Variants in LRP1B observed in about 807,000 individuals in gnomAD.
LRP1B encodes the protein low-density lipoprotein receptor-related protein 1B.
In LRP1B, 217 loss-of-function variants were observed where a neutral mutation model predicts 556.6. That is an observed-to-expected ratio of 0.39 (90% CI 0.35 to 0.44). The LOEUF is 0.44. Ranked by LOEUF, LRP1B falls within the 20% of genes least tolerant of loss-of-function variation. LRP1B has a pLI of 1.00. For missense variants in LRP1B, 5,053 were observed against 5,620.8 expected, an observed-to-expected ratio of 0.90 and a Z score of 3.23; for synonymous variants, 2,047 against 1,865.8, an observed-to-expected ratio of 1.10 and a Z score of -2.50.
intron 1 of LRP1B, among the ~76,000 whole-genome samples, chr2:141,898,138 C>A (rs570721706): frequency 6.6e-6 from 1 of 152,200 alleles, no homozygotes; most frequent in African/African-American, 2.4e-5. Flanking sequence ...AGGATTTGTT[C>A]CCTTCTGTGA....
chr2:140,341,040 C>T (rs1681365340), intron 77 of LRP1B, among the ~76,000 whole-genome samples: 1 of 151,446 alleles, frequency 6.6e-6, no homozygotes, highest in African/African-American at 2.4e-5. Context: ...CAGTGTGTTT[C>T]CAGAATCATT....
rs143695706 is a variant in LRP1B at position 141,449,435 on chromosome 2, A to G, written c.343+30961T>C. On this transcript the variant is annotated intron_variant, in intron 3 of 90. Transcript: ENST00000389484. ...GTTTGATTAATCCTAAATGACCCCC[A>G]CCAAACCTTACATTTTTTATATTTC... 7.4e-3 allele frequency among the ~76,000 whole-genome samples: 1,130 copies of G among 152,220 alleles called. 13 individuals are homozygous for G. The highest frequency in any genetic ancestry group is 0.024 in the African/African-American group (997 of 41,556).
chr2:140,534,194 CA>C lies in LRP1B; in HGVS notation c.7643-55del, dbSNP rs1690847404. The C allele has an allele frequency of 2.0e-6, 3 of 1,504,574 alleles. No individual in the cohort carries two copies. In the Admixed American group the frequency reaches 5.5e-5, roughly 28 times the overall value. 93.2% of individuals were successfully genotyped at this position (1,504,574 alleles called of 1,614,324 possible). A position where few individuals can be genotyped will look rare whatever the true frequency, so the allele number is the denominator to read the frequency against. ...CAGAGATCATATAGAAATATTTGTA[CA>C]AAATGAAAATCACAGATAATATTTC... On this transcript the variant is annotated intron_variant, in intron 46 of 90. Transcript: ENST00000389484.
intron 35 of LRP1B, among the ~76,000 whole-genome samples, chr2:140,763,232 G>A (rs2104920210): frequency 6.6e-6 from 1 of 152,158 alleles, no homozygotes; most frequent in Admixed American, 6.6e-5. Flanking sequence ...AATTTACTGT[G>A]AATTGAAGTA....
intron 66 of LRP1B, among the ~76,000 whole-genome samples, chr2:140,416,754 T>G (rs764550475): frequency 6.6e-5 from 10 of 152,196 alleles, no homozygotes; most frequent in Non-Finnish European, 1.2e-4. Flanking sequence ...CACAGCTGCA[T>G]CTGGTGGCAG....
chr2:141,821,432 G>C (rs1170981661), intron 1 of LRP1B, among the ~76,000 whole-genome samples: 1 of 151,998 alleles, frequency 6.6e-6, no homozygotes, highest in Non-Finnish European at 1.5e-5. Context: ...ACATAAATTG[G>C]CTTTTCTTCT....
intron 5 of LRP1B, among the ~76,000 whole-genome samples, chr2:141,243,977 G>A (rs74451700): frequency 0.011 from 1,715 of 152,216 alleles, 31 homozygotes; most frequent in African/African-American, 0.038. Flanking sequence ...ATATTACAAA[G>A]GAGGAATAAT....
At chr2:141,272,226 C>G (rs1295487005) in intron 3 of LRP1B, among the ~76,000 whole-genome samples, 1 of 151,928 alleles carries the variant, frequency 6.6e-6, no homozygotes, top group Non-Finnish European at 1.5e-5. Flanking sequence ...AGTAACATTT[C>G]TATATCTAAA....
intron 3 of LRP1B, among the ~76,000 whole-genome samples, chr2:141,322,322 T>C (rs1418508338): frequency 6.6e-6 from 1 of 152,062 alleles, no homozygotes; most frequent in Non-Finnish European, 1.5e-5. Flanking sequence ...TGGGCTTCCC[T>C]GTAAAAGAAT....
At chr2:140,650,687 C>T (rs1046068180) in intron 41 of LRP1B, among the ~76,000 whole-genome samples, 2 of 152,024 alleles carry the variant, frequency 1.3e-5, no homozygotes, top group Non-Finnish European at 2.9e-5. Context: ...TGCTGAGGAA[C>T]TTTATTTAAA....
intron 6 of LRP1B, among the ~76,000 whole-genome samples, chr2:141,204,105 C>T (rs937856139): frequency 6.6e-6 from 1 of 152,134 alleles, no homozygotes; most frequent in Non-Finnish European, 1.5e-5. Context: ...GACACCCTAA[C>T]GTCTTTGCCC....
At chr2:140,420,372 A>G (rs1158465769) in intron 66 of LRP1B, among the ~76,000 whole-genome samples, 2 of 152,222 alleles carry the variant, frequency 1.3e-5, no homozygotes, top group East Asian at 1.9e-4. Context: ...CAAAATTTAA[A>G]TGAAGGAGTT....
At chr2:140,334,409 C>A in intron 79 of LRP1B, 44 bp downstream of exon 79, 1 of 1,205,146 alleles carries the variant, frequency 8.3e-7, no homozygotes. Flanking sequence ...CAGTAATATA[C>A]TTGTCATTCT....
In LRP1B at chr2:140,702,238, G is replaced by A. The variant is rs1686672108; in HGVS notation, c.6205C>T (p.Leu2069Phe). The A allele has an allele frequency of 1.2e-6, 2 of 1,613,576 alleles. No individual in the cohort carries two copies. Among genetic ancestry groups the A allele is most frequent in the East Asian group, 2.2e-5 (1 of 44,882 alleles). Residue 2069 changes from leucine (L) to phenylalanine (F), a missense_variant, in exon 39 of 91, where the codon CTT becomes TTT. Leu to Phe is a conservative substitution (Grantham distance 22). Around this residue, in one of 5 missense-constraint regions of LRP1B, gnomAD observed 3,619 missense variants for 3,931.9 expected, o/e 0.92. Transcript: ENST00000389484. ...ATCTCGCGATTCCCTCCAGTCTCAA[G>A]GTCGATTCTCTCTATCTTGTCTGTG... ...ARTDKIERID[L>F]ETGGNREMVL...
intron 2 of LRP1B, among the ~76,000 whole-genome samples, chr2:141,647,659 GACT>G (rs1250373147): frequency 6.8e-6 from 1 of 147,354 alleles, no homozygotes; most frequent in Non-Finnish European, 1.5e-5. Flanking sequence ...ATTAATTCAT[GACT>G]ACATTTCTCT....
chr2:140,250,991 A>AT (rs1420847729), intron 86 of LRP1B, among the ~76,000 whole-genome samples: 1 of 151,746 alleles, frequency 6.6e-6, no homozygotes, highest in Non-Finnish European at 1.5e-5. Flanking sequence ...TTATTTATTT[A>AT]TTTTTTGTAA....
Position 141,668,634 on chromosome 2 carries a change from C to T in LRP1B, c.205+141645G>A, listed in dbSNP as rs542906818. Among the ~76,000 whole-genome samples the T allele has an allele frequency of 2.6e-5, 4 of 152,276 alleles. No individual in the cohort carries two copies. The South Asian group carries it at 8.3e-4, about 32-fold the overall frequency. ...TCTTTCCAGCTCCCTGTCCATCTCA[C>T]TGAGAGCCTTCTCCACCACTCACAA... On this transcript the variant is annotated intron_variant, in intron 2 of 90. Transcript: ENST00000389484.
At chr2:141,194,960 CAATA>C (rs1273340018) in intron 6 of LRP1B, among the ~76,000 whole-genome samples, 3 of 151,986 alleles carry the variant, frequency 2.0e-5, no homozygotes. Flanking sequence ...AGTACCAAAA[CAATA>C]AATTAATAAG....
intron 2 of LRP1B, among the ~76,000 whole-genome samples, chr2:141,731,046 T>A (rs1693252622): frequency 6.6e-6 from 1 of 152,098 alleles, no homozygotes. Flanking sequence ...AGAAATGTGG[T>A]TGGGAACAGG....
Sources: gnomAD v4.1 joint callset for allele counts (sites outside exome capture counted in the v4.1 genomes callset) on GRCh38, gnomAD v4.1.1 for gene constraint, gnomAD v4.1.1 regional missense constraint, MANE v1.5 for transcripts, NCBI Gene and HGNC (gene_info 2026-07-23, HGNC 2026-07-21) for gene names.